DPH6: variants seen among roughly 807,000 people sequenced by gnomAD.
DPH6 encodes diphthamine biosynthesis 6, also known as diphthine--ammonia ligase.
A neutral mutation model predicts 38.2 loss-of-function variants in DPH6; 33 were observed. That is an observed-to-expected ratio of 0.86 (90% CI 0.65 to 1.15). The LOEUF (loss-of-function observed/expected upper bound fraction) is 1.15, where lower values mean the gene tolerates loss of function less well. DPH6 is among the 50% of genes most tolerant of loss of function. The probability of loss-of-function intolerance (pLI) is 0.00; values close to 1 mark genes in which losing one functional copy is unlikely to be tolerated. For synonymous variants in DPH6, 108 were observed against 103.0 expected (o/e 1.05, Z -0.30); for missense variants, 325 against 320.0 (o/e 1.02, Z -0.12).
exon 4 of DPH6, chr15:35,330,833 T>C (rs1190919944): frequency 6.6e-6 from 1 of 152,214 alleles, no homozygotes; most frequent in Admixed American, 6.6e-5. Flanking sequence ...CAGACATTTA[T>C]AGATTCAGGT....
At chr15:35,396,824 AT>A (rs1175824086) in intron 6 of DPH6, among the ~76,000 whole-genome samples, 1 of 152,114 alleles carries the variant, frequency 6.6e-6, no homozygotes, top group African/African-American at 2.4e-5. Context: ...AGTTAAAGGC[AT>A]TTTTTTCCAT....
At chr15:35,434,564 A>G (rs2141040339) in intron 5 of DPH6, among the ~76,000 whole-genome samples, 1 of 152,318 alleles carries the variant, frequency 6.6e-6, no homozygotes, top group East Asian at 1.9e-4. Context: ...ATCCAATGTT[A>G]CGCCAATTAT....
chr15:35,330,738 T>C (rs900907929), downstream of DPH6: 1 of 152,202 alleles, frequency 6.6e-6, no homozygotes, highest in African/African-American at 2.4e-5. Flanking sequence ...TTACTTTTTC[T>C]CTTTACAACC....
chr15:35,521,818 A>T, intron 3 of DPH6: 2 of 1,265,232 alleles, frequency 1.6e-6, no homozygotes, highest in Non-Finnish European at 2.0e-6. Flanking sequence ...ATTGGATAAT[A>T]GCAGTGCTCC....
At chr15:35,388,825 T>C (rs2053010066) in intron 6 of DPH6, among the ~76,000 whole-genome samples, 1 of 152,238 alleles carries the variant, frequency 6.6e-6, no homozygotes, top group African/African-American at 2.4e-5. Context: ...GAAGGGTTTT[T>C]TGTGTCTCTA....
the DPH6 span, among the ~76,000 whole-genome samples, chr15:35,158,431 C>T: frequency 6.6e-6 from 1 of 152,000 alleles, no homozygotes; most frequent in East Asian, 1.9e-4. Flanking sequence ...TTTAAACAAA[C>T]CCCCTTTCAT....
At chr15:35,357,010 C>G (rs894057573) in intron 3 of DPH6, among the ~76,000 whole-genome samples, 1 of 152,170 alleles carries the variant, frequency 6.6e-6, no homozygotes, top group Non-Finnish European at 1.5e-5. Flanking sequence ...GCCTCTCTGC[C>G]GCCTTGCAGT....
In DPH6 at chr15:35,418,733, T is replaced by C. The variant is rs1487548772; in HGVS notation, c.506-7837A>G. 2.6e-5 allele frequency among the ~76,000 whole-genome samples: 4 copies of C among 152,126 alleles called. No individual in the cohort carries two copies. The South Asian group carries it at 6.2e-4, about 24-fold the overall frequency. ...CCTACAATGTTATGCTCCATTATTT[T>C]CAATGCATTTTTCAACTTCTCAGCT... On this transcript the variant is annotated intron_variant, in intron 5 of 8. Coordinates refer to ENST00000256538, the MANE Select transcript of DPH6 (RefSeq NM_080650.4).
At chr15:35,326,275 C>T (rs1349250411), downstream of DPH6, among the ~76,000 whole-genome samples, 1 of 152,090 alleles carries the variant, frequency 6.6e-6, no homozygotes, top group African/African-American at 2.4e-5. Flanking sequence ...ACTGTCAAAA[C>T]TGATTTCTAT....
chr15:35,209,355 T>C, the DPH6 span, among the ~76,000 whole-genome samples: 2 of 152,182 alleles, frequency 1.3e-5, no homozygotes, highest in South Asian at 4.1e-4. Flanking sequence ...GATGATGTGA[T>C]AGTATAAATT....
intron 3 of DPH6, among the ~76,000 whole-genome samples, chr15:35,462,742 A>G (rs2054080324): frequency 6.6e-6 from 1 of 152,172 alleles, no homozygotes. Flanking sequence ...TAAAAATTAA[A>G]TATTTATGTT....
At chr15:35,164,347 T>A in the DPH6 span, among the ~76,000 whole-genome samples, 1 of 151,916 alleles carries the variant, frequency 6.6e-6, no homozygotes, top group Non-Finnish European at 1.5e-5. Context: ...ATTGCTTGCA[T>A]ACATTACAAT....
chr15:35,289,974 C>T (rs1485638570), intron 3 of DPH6, among the ~76,000 whole-genome samples: 1 of 152,064 alleles, frequency 6.6e-6, no homozygotes, highest in African/African-American at 2.4e-5. Context: ...GCTCTTTTGG[C>T]CATTATCATA....
intron 4 of DPH6, among the ~76,000 whole-genome samples, chr15:35,451,878 C>T (rs920153288): frequency 6.6e-5 from 10 of 152,124 alleles, no homozygotes; most frequent in Non-Finnish European, 1.3e-4. Context: ...GGCATGGTGG[C>T]GGGCGCCTGT....
chr15:35,363,049 T>A (rs941316826), intron 3 of DPH6, among the ~76,000 whole-genome samples: 1 of 152,220 alleles, frequency 6.6e-6, no homozygotes, highest in South Asian at 2.1e-4. Context: ...AGACTTGTAT[T>A]ATGGCCCTGG....
chr15:35,216,932 G>T (rs189186929), downstream of DPH6, among the ~76,000 whole-genome samples: 4 of 152,292 alleles, frequency 2.6e-5, no homozygotes, highest in Admixed American at 1.3e-4. Flanking sequence ...ATTTGGGGAG[G>T]ACAGAATGTA....
intron 3 of DPH6, among the ~76,000 whole-genome samples, chr15:35,504,516 C>T (rs929026145): frequency 2.0e-5 from 3 of 151,362 alleles, no homozygotes; most frequent in African/African-American, 7.3e-5. Context: ...TCTATCATAA[C>T]AATATAATAT....
In DPH6 at chr15:35,450,696, A is replaced by C. The variant is rs1302860856; in HGVS notation, c.494T>G (p.Val165Gly). Residue 165 changes from valine (V) to glycine (G), a missense_variant, in exon 5 of 9, where the codon GTA (valine) becomes GGA (glycine). Transcript: ENST00000256538. ...GTTTGGCTGCATACCCAAAGCTGCTACTTTGATGATCATTGCTTGAATGTT... is the reference window on the plus strand; with the variant it reads ...GTTTGGCTGCATACCCAAAGCTGCTCCTTTGATGATCATTGCTTGAATGTT... ...SSNIQAMIIK[V>G]AALGLDPDKH... The C allele has an allele frequency of 1.2e-6, 2 of 1,612,640 alleles. No homozygotes were observed. The highest frequency in any genetic ancestry group is 2.2e-5 in the East Asian group (1 of 44,730).
intron 6 of DPH6, among the ~76,000 whole-genome samples, chr15:35,408,297 G>A (rs911921816): frequency 2.0e-5 from 3 of 151,982 alleles, no homozygotes; most frequent in South Asian, 2.1e-4. Flanking sequence ...CTTGAGGCAA[G>A]AAGCAACAGG....
Sources: allele counts gnomAD v4.1 joint callset (sites outside exome capture counted in the v4.1 genomes callset), GRCh38; gene constraint gnomAD v4.1.1; transcripts MANE v1.5; gene names NCBI Gene and HGNC (gene_info 2026-07-23, HGNC 2026-07-21).